The following NAPA variants were observed in gnomAD, a reference collection of about 807,000 sequenced individuals.
The protein encoded by NAPA is NSF attachment protein alpha, also known as alpha-soluble NSF attachment protein.
A neutral mutation model predicts 48.0 loss-of-function variants in NAPA; 18 were observed. The ratio of observed to expected loss-of-function variants is 0.38; its 90% CI spans 0.26 to 0.56. The LOEUF is 0.56. Ranked by LOEUF, NAPA falls within the 20% of genes least tolerant of loss-of-function variation. NAPA has a pLI of 0.77. For synonymous variants in NAPA, 152 were observed against 149.9 expected, an observed-to-expected ratio of 1.01 and a Z score of -0.10; for missense variants, 315 against 385.0, an observed-to-expected ratio of 0.82 and a Z score of 1.52.
At chr19:47,498,423 G>A (rs1056480702) in intron 3 of NAPA, among the ~76,000 whole-genome samples, 2 of 152,182 alleles carry the variant, frequency 1.3e-5, no homozygotes, top group Admixed American at 6.5e-5. Context: ...CAGGTGCCGC[G>A]CTGGGCATGA....
intron 1 of NAPA, among the ~76,000 whole-genome samples, chr19:47,504,192 G>A (rs1968645477): frequency 6.6e-6 from 1 of 151,930 alleles, no homozygotes; most frequent in South Asian, 2.1e-4. Context: ...TCAAGAGTTC[G>A]AGACCAGCCT....
chr19:47,497,251 C>G (rs565777871), intron 3 of NAPA: 2 of 165,374 alleles, frequency 1.2e-5, no homozygotes, highest in East Asian at 3.7e-4. Context: ...ACCTGGCACC[C>G]TGTGGGCTGA....
At position 47,493,207 on chromosome 19, in the gene NAPA, G is replaced by C. The variant is rs746063974; in HGVS notation, c.421-33C>G. ...GACACGGGGGATGGGTTCCAGGGGA[G>C]GGCAGGGAAGGGAGAGGAGGCCTCC... On this transcript the variant is annotated intron_variant, in intron 5 of 10. Transcript: ENST00000263354. This position sits in a 1 kb window ranked among gnomAD's most constrained non-coding sequence, Gnocchi z 6.4. 3 of 1,563,716 alleles carry C rather than the reference G, an allele frequency of 1.9e-6. No individual in the cohort carries two copies. The highest frequency in any genetic ancestry group is 2.6e-6 in the Non-Finnish European group (3 of 1,150,820).
chr19:47,512,949 T>A (rs1968833377), intron 1 of NAPA: 1 of 152,776 alleles, frequency 6.5e-6, no homozygotes, highest in African/African-American at 2.4e-5. Context: ...AACCCCCTTC[T>A]CCAGCCTTCT....
intron 2 of NAPA, among the ~76,000 whole-genome samples, chr19:47,502,816 C>G (rs1370339328): frequency 6.6e-6 from 1 of 152,212 alleles, no homozygotes; most frequent in Admixed American, 6.5e-5. Context: ...TGAAGCTATC[C>G]TGCCTCACTG....
chr19:47,500,170 T>C (rs1273506049), intron 3 of NAPA, among the ~76,000 whole-genome samples: 4 of 152,126 alleles, frequency 2.6e-5, no homozygotes, highest in African/African-American at 4.8e-5. Context: ...CTCTAATTCC[T>C]CCCCAGGATG....
intron 2 of NAPA, 125 bp downstream of exon 2, chr19:47,503,298 C>G: frequency 1.2e-6 from 1 of 854,586 alleles, no homozygotes; most frequent in South Asian, 1.4e-5. Context: ...CAGTGGCTTT[C>G]CGATGCCGGA....
rs562047760 is a variant in NAPA at position 47,504,227 on chromosome 19, CTACAAAAAA to C, written c.99-734_99-726del. On this transcript the variant is annotated intron_variant, in intron 1 of 10. Coordinates refer to ENST00000263354, the MANE Select transcript of NAPA (RefSeq NM_003827.4). ...TGGGCCACACGGCAAAACCCCAACT[CTACAAAAAA>C]TACAAAAAATTAGCAGGGTGTGATG... 5.1e-4 allele frequency among the ~76,000 whole-genome samples: 77 copies of C among 151,962 alleles called. 2 individuals are homozygous for C. The highest frequency in any genetic ancestry group is 1.3e-3 in the Admixed American group (20 of 15,268).
At position 47,490,333 on chromosome 19, in the gene NAPA, A is replaced by G. The variant is rs937761767; in HGVS notation, c.735+455T>C. 6.1e-5 allele frequency among the ~76,000 whole-genome samples: 7 copies of G among 114,148 alleles called. No homozygotes were observed. In the South Asian group the frequency reaches 8.9e-4, roughly 14 times the overall value. The allele number at this position is 114,148 out of a possible 152,430, so 74.9% of individuals were successfully genotyped here. A position where few individuals can be genotyped will look rare whatever the true frequency, so the allele number is the denominator to read the frequency against. ...CGTGTGTGTGTAGTGTGTGTGCGAT[A>G]TGTGTGGTGTGTGATGTGTTTGCTG... is the stretch of plus-strand genomic sequence containing the variant. On this transcript the variant is annotated intron_variant, in intron 9 of 10. Coordinates refer to ENST00000263354, the MANE Select transcript of NAPA (RefSeq NM_003827.4).
chr19:47,493,357 G>T lies in NAPA; in HGVS notation c.420+59C>A. On this transcript the variant is annotated intron_variant, in intron 5 of 10. Transcript: ENST00000263354. This position sits in a 1 kb window ranked among gnomAD's most constrained non-coding sequence, Gnocchi z 6.4. ...CACCAGAGGACTCCCCTGGTGGGAA[G>T]AAGAGAGAGCAGCACTGGTCCTGGC... 4 of 1,586,832 alleles carry T rather than the reference G, an allele frequency of 2.5e-6. No individual in the cohort carries two copies. Among genetic ancestry groups the T allele is most frequent in the South Asian group, 2.2e-5 (2 of 90,504 alleles).
rs1461982110 is a variant in NAPA at position 47,515,057 on chromosome 19, G to A, written c.-117C>T. On this transcript the variant is annotated 5_prime_UTR_variant, in exon 1 of 11. Transcript: ENST00000263354. ...CGCCCGGCTGCGTTGACGTCGCACC[G>A]GCGCGCGTCGCTTGCGGCCAGGAAC... The A allele has an allele frequency of 1.7e-5, 18 of 1,052,442 alleles. No homozygotes were observed. Among genetic ancestry groups the A allele is most frequent in the African/African-American group, 6.4e-5 (4 of 62,194 alleles). 65.2% of individuals were successfully genotyped at this position (1,052,442 alleles called of 1,614,324 possible).
chr19:47,504,449 T>C (rs1449562264), intron 1 of NAPA, among the ~76,000 whole-genome samples: 1 of 131,764 alleles, frequency 7.6e-6, no homozygotes, highest in African/African-American at 2.9e-5. Context: ...AATAGAAACA[T>C]ACATGTTTAT....
At chr19:47,496,851 C>T in intron 3 of NAPA, 1 of 456,178 alleles carries the variant, frequency 2.2e-6, no homozygotes. Flanking sequence ...ATAAGCACTC[C>T]TCTGGGGAGT....
chr19:47,490,333 A>ATGTGTGG (rs1353696142), intron 9 of NAPA, among the ~76,000 whole-genome samples: 1 of 114,010 alleles, frequency 8.8e-6, no homozygotes, highest in Non-Finnish European at 1.8e-5. Context: ...TGTGTGCGAT[A>ATGTGTGG]TGTGTGGTGT....
chr19:47,512,237 C>T (rs186601641), intron 1 of NAPA, among the ~76,000 whole-genome samples: 3 of 152,210 alleles, frequency 2.0e-5, no homozygotes, highest in Admixed American at 6.5e-5. Flanking sequence ...CAGAACCTCC[C>T]GTCACGGTAG....
intron 10 of NAPA, 188 bp from the exon 11 acceptor site, chr19:47,488,577 G>T: frequency 2.2e-6 from 1 of 444,780 alleles, no homozygotes; most frequent in South Asian, 4.5e-5. Context: ...GACTATGCTG[G>T]GCACATCATT....
intron 1 of NAPA, among the ~76,000 whole-genome samples, chr19:47,512,037 C>T (rs962759733): frequency 1.3e-5 from 2 of 152,184 alleles, no homozygotes; most frequent in African/African-American, 2.4e-5. Context: ...GCCGCTTCCA[C>T]CTTTATGGTC....
At chr19:47,504,070 T>A (rs1308391786) in intron 1 of NAPA, among the ~76,000 whole-genome samples, 2 of 152,034 alleles carry the variant, frequency 1.3e-5, no homozygotes, top group African/African-American at 4.8e-5. Context: ...AGTGTAGATA[T>A]AAGATGTTCC....
chr19:47,494,048 G>C lies in NAPA; in HGVS notation c.343-555C>G, dbSNP rs575632273. Among the ~76,000 whole-genome samples, 12 of 152,296 alleles carry C rather than the reference G, an allele frequency of 7.9e-5. No homozygotes were observed. The South Asian group carries it at 2.5e-3, about 32-fold the overall frequency. The stretch of plus-strand genomic sequence containing the variant: ...CCAAGGGGCCTCGCACCTTCCATCC[G>C]CCTCCACCCAGTGTCCAGGCGCTTG... On this transcript the variant is annotated intron_variant, in intron 4 of 10. Coordinates refer to ENST00000263354, the MANE Select transcript of NAPA (RefSeq NM_003827.4).
Sources: allele counts gnomAD v4.1 joint callset (sites outside exome capture counted in the v4.1 genomes callset), GRCh38; gene constraint gnomAD v4.1.1; non-coding constraint Gnocchi (gnomAD v3.1); transcripts MANE v1.5; gene names NCBI Gene and HGNC (gene_info 2026-07-23, HGNC 2026-07-21).